CCDC34: variants seen among roughly 807,000 people sequenced by gnomAD.
CCDC34 encodes coiled-coil domain-containing protein 34.
CCDC34 carries 40 observed loss-of-function variants against 44.1 expected under a neutral mutation model. The ratio of observed to expected loss-of-function variants is 0.91; its 90% CI spans 0.70 to 1.18. The LOEUF (loss-of-function observed/expected upper bound fraction) is 1.18. Ranked by LOEUF, CCDC34 falls within the 50% of genes most tolerant of loss-of-function variation. The probability of loss-of-function intolerance (pLI) is 0.00; values close to 1 mark genes in which losing one functional copy is unlikely to be tolerated. For missense variants in CCDC34, 466 were observed against 452.3 expected, an observed-to-expected ratio of 1.03 and a Z score of -0.28; for synonymous variants, 159 against 158.2, an observed-to-expected ratio of 1.01 and a Z score of -0.04.
intron 2 of CCDC34, among the ~76,000 whole-genome samples, chr11:27,355,626 TA>T (rs755608828): frequency 3.3e-5 from 5 of 152,210 alleles, no homozygotes; most frequent in Non-Finnish European, 5.9e-5. Flanking sequence ...GGTATTATTT[TA>T]TTCCTCTTAA....
In CCDC34 at chr11:27,363,171, C is replaced by A. The variant is rs144221459; in HGVS notation, c.24G>T (p.Gly8=). The A allele has an allele frequency of 2.0e-6, 3 of 1,489,852 alleles. No homozygotes were observed. The highest frequency in any genetic ancestry group is 2.8e-5 in the African/African-American group (2 of 70,866). The allele number at this position is 1,489,852 out of a possible 1,614,324, so 92.3% of individuals were successfully genotyped here. Residue 8 remains glycine (G), a synonymous_variant, in exon 1 of 6, where the codon GGG becomes GGT. Transcript: ENST00000328697. ...CGGCGTAGGAAGAGGGAAAAGTAGG[C>A]CCCCAGCGCCCCGCCGCCCACATCT... MWAAGRW[G]PTFPSSYAGF... is the part of the protein sequence containing the mutation.
intron 1 of CCDC34, among the ~76,000 whole-genome samples, chr11:27,360,671 A>T (rs962777994): frequency 2.6e-5 from 4 of 152,220 alleles, no homozygotes; most frequent in Non-Finnish European, 5.9e-5. Flanking sequence ...CAAAAGCCAG[A>T]TTGTGGACTC....
chr11:27,355,535 T>C (rs1862562576), intron 2 of CCDC34, among the ~76,000 whole-genome samples: 9 of 152,130 alleles, frequency 5.9e-5, no homozygotes, highest in Admixed American at 5.9e-4. Flanking sequence ...AGTAATGATA[T>C]AAATAACAAT....
chr11:27,359,941 T>G (rs1862638265), intron 1 of CCDC34, among the ~76,000 whole-genome samples: 1 of 152,192 alleles, frequency 6.6e-6, no homozygotes, highest in Admixed American at 6.5e-5. Context: ...AAAGAAAATA[T>G]ATCTCAACTC....
chr11:27,350,414 CT>C lies in CCDC34; in HGVS notation c.523del (p.Arg175GlufsTer12). On this transcript the variant is annotated frameshift_variant, in exon 3 of 6. Coordinates refer to ENST00000328697, the MANE Select transcript of CCDC34 (RefSeq NM_030771.2). LOFTEE classifies it high-confidence loss of function. ...TTTTTCACGTTCTTCCATTTCTTTT[CT>C]TTTTTCTAGTTGTTGATTTAATTCC... Reference protein sequence around the residue: ...LEELNQQLEKRKEMEEREKRK... With the variant: ...LEELNQQLEKXKEMEEREKRK... 6.2e-7 allele frequency: 1 copy of C among 1,607,514 alleles called. No individual in the cohort carries two copies.
At chr11:27,351,496 C>T (rs1374576026) in intron 2 of CCDC34, among the ~76,000 whole-genome samples, 3 of 152,136 alleles carry the variant, frequency 2.0e-5, no homozygotes, top group Non-Finnish European at 4.4e-5. Context: ...GGAAGTCTTC[C>T]AACTTTTAAA....
At chr11:27,357,273 T>G (rs1319402087) in intron 2 of CCDC34, 130 bp downstream of exon 2, 2 of 779,630 alleles carry the variant, frequency 2.6e-6, no homozygotes, top group Non-Finnish European at 3.9e-6. Flanking sequence ...TTATTAAATT[T>G]GATATAGTAA....
intron 1 of CCDC34, among the ~76,000 whole-genome samples, chr11:27,358,580 G>C (rs1322323687): frequency 6.6e-6 from 1 of 152,038 alleles, no homozygotes; most frequent in Non-Finnish European, 1.5e-5. Flanking sequence ...ATTCTAGTGG[G>C]AAAGAGACAC....
rs768638598 is a variant in CCDC34, at chr11:27,362,960, C to A, written c.235G>T (p.Glu79Ter). The part of the protein sequence containing the change: ...PLGHQSFQFD[E>*]DDGDGEDEED... Reference sequence around the variant, plus strand: ...TCATCCTCCCCGTCACCGTCGTCCTCGTCAAACTGGAAGCTCTGGTGGCCA... The same window carrying A: ...TCATCCTCCCCGTCACCGTCGTCCTAGTCAAACTGGAAGCTCTGGTGGCCA... Residue 79 changes from glutamate (E) to a stop codon, truncating the protein, a stop_gained, in exon 1 of 6, where the codon GAG (glutamate) becomes TAG (stop). Coordinates refer to ENST00000328697, the MANE Select transcript of CCDC34 (RefSeq NM_030771.2). LOFTEE classifies it high-confidence loss of function. 2 of 1,614,178 alleles carry A rather than the reference C, an allele frequency of 1.2e-6. No homozygotes were observed. Among genetic ancestry groups the A allele is most frequent in the South Asian group, 2.2e-5 (2 of 91,080 alleles).
intron 3 of CCDC34, among the ~76,000 whole-genome samples, chr11:27,344,291 C>T (rs1045506590): frequency 1.3e-5 from 2 of 151,944 alleles, no homozygotes; most frequent in African/African-American, 4.8e-5. Flanking sequence ...ATATCAGAAA[C>T]GTTCCATATG....
intron 3 of CCDC34, chr11:27,349,029 A>G (rs921317467): frequency 1.5e-4 from 149 of 984,322 alleles, no homozygotes; most frequent in Non-Finnish European, 1.7e-4. Flanking sequence ...ACTAATTAAA[A>G]CAGTGAATAT....
chr11:27,352,442 A>G (rs1046724056), intron 2 of CCDC34, among the ~76,000 whole-genome samples: 1 of 151,892 alleles, frequency 6.6e-6, no homozygotes, highest in African/African-American at 2.4e-5. Flanking sequence ...CAAAAGGGGG[A>G]AAAATTATAC....
intron 1 of CCDC34, among the ~76,000 whole-genome samples, chr11:27,358,965 C>A (rs904263599): frequency 4.1e-4 from 48 of 116,758 alleles, no homozygotes; most frequent in African/African-American, 1.3e-3. Flanking sequence ...TGGACCCCCC[C>A]CCCCCACCGC....
intron 3 of CCDC34, among the ~76,000 whole-genome samples, chr11:27,342,114 T>C (rs1405333743): frequency 1.3e-5 from 2 of 152,086 alleles, no homozygotes; most frequent in Non-Finnish European, 2.9e-5. Flanking sequence ...TTAAACTTCT[T>C]TCTTTTGTAA....
chr11:27,355,966 A>AAAAGTTATTCT (rs1430745117), intron 2 of CCDC34, among the ~76,000 whole-genome samples: 4 of 150,460 alleles, frequency 2.7e-5, no homozygotes, highest in Non-Finnish European at 5.9e-5. Context: ...AAACTAACAG[A>AAAAGTTATTCT]AAAGTTATTC....
At chr11:27,342,497 A>T (rs1296413626) in intron 3 of CCDC34, among the ~76,000 whole-genome samples, 1 of 152,022 alleles carries the variant, frequency 6.6e-6, no homozygotes, top group African/African-American at 2.4e-5. Flanking sequence ...TGCTCATTAA[A>T]CACTGTATGT....
At chr11:27,344,235 C>T (rs1209957275) in intron 3 of CCDC34, among the ~76,000 whole-genome samples, 1 of 151,930 alleles carries the variant, frequency 6.6e-6, no homozygotes, top group Admixed American at 6.6e-5. Flanking sequence ...TTTTAAGAGT[C>T]CAGCATTATT....
At chr11:27,351,157 A>G (rs1424298150) in intron 2 of CCDC34, among the ~76,000 whole-genome samples, 3 of 152,196 alleles carry the variant, frequency 2.0e-5, no homozygotes, top group African/African-American at 7.2e-5. Context: ...TGTTCAAACT[A>G]GACTTCACTA....
At chr11:27,341,682 A>G (rs577006269) in intron 3 of CCDC34, 132 bp from the exon 4 acceptor site, 12 of 514,290 alleles carry the variant, frequency 2.3e-5, no homozygotes, top group African/African-American at 2.0e-4. Flanking sequence ...GGCAGTTGGC[A>G]CAACATGGTT....
Sources: allele counts gnomAD v4.1 joint callset (sites outside exome capture counted in the v4.1 genomes callset), GRCh38; gene constraint gnomAD v4.1.1; transcripts MANE v1.5; gene names NCBI Gene and HGNC (gene_info 2026-07-23, HGNC 2026-07-21).